Variants in INPP4B observed in about 807,000 individuals in gnomAD.
INPP4B encodes the protein inositol polyphosphate-4-phosphatase type II B, also known as inositol polyphosphate 4-phosphatase type II.
INPP4B carries 55 observed loss-of-function variants against 122.5 expected under a neutral mutation model. The observed-to-expected ratio is 0.45, with a 90% confidence interval of 0.36 to 0.56. INPP4B has a LOEUF of 0.56. Ranked by LOEUF, INPP4B falls within the 20% of genes least tolerant of loss-of-function variation. INPP4B has a pLI of 0.00. For missense variants in INPP4B, 1,000 were observed against 1,097.7 expected (o/e 0.91, Z 1.26); for synonymous variants, 403 against 388.7 (o/e 1.04, Z -0.43).
At position 142,537,131 on chromosome 4, in the gene INPP4B, C is replaced by T. The variant is rs572933129; in HGVS notation, c.-190-74405G>A. On this transcript the variant is annotated intron_variant, in intron 2 of 25. Coordinates refer to ENST00000262992, the MANE Select transcript of INPP4B (RefSeq NM_001101669.3). ...TCTTAACAGGACAGCAAGTGTGATT[C>T]ATAGGTAGCAAGAGAAAACTTTGGT... Among the ~76,000 whole-genome samples the T allele has an allele frequency of 1.1e-4, 16 of 151,978 alleles. No individual in the cohort carries two copies. The South Asian group carries it at 3.3e-3, about 32-fold the overall frequency.
chr4:142,824,358 A>G (rs1781196827), intron 1 of INPP4B, among the ~76,000 whole-genome samples: 2 of 134,604 alleles, frequency 1.5e-5, no homozygotes, highest in Non-Finnish European at 1.6e-5. Context: ...TACTGGTTCT[A>G]TTTCTCTGGA....
intron 1 of INPP4B, among the ~76,000 whole-genome samples, chr4:142,728,129 T>C (rs1197661288): frequency 6.6e-6 from 1 of 152,166 alleles, no homozygotes; most frequent in African/African-American, 2.4e-5. Flanking sequence ...CTTGTTAAAG[T>C]GGTCAGAGGA....
intron 1 of INPP4B, among the ~76,000 whole-genome samples, chr4:142,828,182 A>T (rs539491384): frequency 4.6e-5 from 7 of 152,320 alleles, no homozygotes; most frequent in African/African-American, 1.4e-4. Context: ...AAATAAATTT[A>T]AAAAGGATAA....
intron 25 of INPP4B, among the ~76,000 whole-genome samples, chr4:142,068,413 A>AG (rs1764910327): frequency 6.6e-6 from 1 of 152,224 alleles, no homozygotes; most frequent in African/African-American, 2.4e-5. Context: ...CTAGGAAGAA[A>AG]CTGCATCAAC....
At chr4:142,620,246 A>G (rs576327477) in intron 2 of INPP4B, among the ~76,000 whole-genome samples, 3 of 152,012 alleles carry the variant, frequency 2.0e-5, no homozygotes, top group South Asian at 4.2e-4. Context: ...AATACATGGA[A>G]TCAACCTAAA....
At chr4:142,375,979 A>T (rs1211450341) in intron 7 of INPP4B, among the ~76,000 whole-genome samples, 1 of 151,918 alleles carries the variant, frequency 6.6e-6, no homozygotes, top group Non-Finnish European at 1.5e-5. Flanking sequence ...CATTCCATTC[A>T]CTTATTTCCA....
chr4:142,399,389 G>T (rs1294012502), intron 7 of INPP4B, among the ~76,000 whole-genome samples: 4 of 151,698 alleles, frequency 2.6e-5, no homozygotes, highest in Non-Finnish European at 5.9e-5. Context: ...TAGAGATGGG[G>T]TTTCACCATG....
chr4:142,689,598 G>A (rs1366696521), intron 2 of INPP4B, among the ~76,000 whole-genome samples: 11 of 152,070 alleles, frequency 7.2e-5, no homozygotes. Flanking sequence ...GAAACAACAA[G>A]CCACAAAATA....
chr4:142,667,503 T>A (rs1756299739), intron 2 of INPP4B, among the ~76,000 whole-genome samples: 1 of 152,214 alleles, frequency 6.6e-6, no homozygotes, highest in Admixed American at 6.5e-5. Context: ...GTCAAACTAC[T>A]GATATCTAGT....
chr4:142,562,925 G>T (rs1170666848), intron 2 of INPP4B, among the ~76,000 whole-genome samples: 1 of 152,022 alleles, frequency 6.6e-6, no homozygotes. Flanking sequence ...GTGGAAATTG[G>T]GATACAAAGG....
intron 2 of INPP4B, among the ~76,000 whole-genome samples, chr4:142,718,967 A>T (rs1764158272): frequency 6.6e-6 from 1 of 152,214 alleles, no homozygotes; most frequent in Admixed American, 6.5e-5. Flanking sequence ...CAACTAAAAA[A>T]ATCTTAAACA....
intron 2 of INPP4B, among the ~76,000 whole-genome samples, chr4:142,481,109 T>TG: frequency 7.8e-6 from 1 of 128,750 alleles, no homozygotes; most frequent in Non-Finnish European, 1.6e-5. Context: ...CACTCCAGCC[T>TG]GGCAACAGAG....
chr4:142,186,135 C>T (rs1254566117), intron 15 of INPP4B, among the ~76,000 whole-genome samples: 1 of 152,064 alleles, frequency 6.6e-6, no homozygotes, highest in Non-Finnish European at 1.5e-5. Context: ...TTTACATGCA[C>T]TAAATTGAGA....
intron 1 of INPP4B, among the ~76,000 whole-genome samples, chr4:142,764,137 G>A (rs1056691820): frequency 6.6e-5 from 10 of 151,800 alleles, no homozygotes; most frequent in African/African-American, 1.7e-4. Context: ...CCTTTTTGAC[G>A]TGTTAGACAA....
chr4:142,202,604 A>G (rs1158170791), intron 14 of INPP4B: 2 of 231,056 alleles, frequency 8.7e-6, no homozygotes, highest in Non-Finnish European at 7.1e-6. Flanking sequence ...TTATAAAATG[A>G]AAGGCCAAAG....
chr4:142,566,973 C>T (rs1004095698), intron 2 of INPP4B, among the ~76,000 whole-genome samples: 4 of 152,096 alleles, frequency 2.6e-5, no homozygotes, highest in Admixed American at 6.6e-5. Context: ...TTGATAGTCA[C>T]GTGATTGACT....
intron 2 of INPP4B, among the ~76,000 whole-genome samples, chr4:142,561,711 G>C (rs886446714): frequency 6.6e-6 from 1 of 152,120 alleles, no homozygotes; most frequent in Non-Finnish European, 1.5e-5. Context: ...GAGCCACCAC[G>C]CCTGGCTGAC....
At chr4:142,489,404 G>GT (rs1162606922) in intron 2 of INPP4B, among the ~76,000 whole-genome samples, 3 of 151,792 alleles carry the variant, frequency 2.0e-5, no homozygotes, top group African/African-American at 7.3e-5. Flanking sequence ...GTTTGTTTTT[G>GT]TTTTTTTGAG....
At chr4:142,652,156 G>A (rs545757135) in intron 2 of INPP4B, among the ~76,000 whole-genome samples, 5 of 152,084 alleles carry the variant, frequency 3.3e-5, no homozygotes, top group South Asian at 4.2e-4. Flanking sequence ...AAAGGCCTTC[G>A]ACAAAATTCG....
Sources: allele counts gnomAD v4.1 joint callset (sites outside exome capture counted in the v4.1 genomes callset), GRCh38; gene constraint gnomAD v4.1.1; transcripts MANE v1.5; gene names NCBI Gene and HGNC (gene_info 2026-07-23, HGNC 2026-07-21).